PVT1: variants seen among roughly 807,000 people sequenced by gnomAD.
PVT1 encodes the protein CXCR4/PVT1 fusion.
At chr8:128,054,963 A>C (rs1813746096) in intron 4 of PVT1, among the ~76,000 whole-genome samples, 1 of 152,214 alleles carries the variant, frequency 6.6e-6, no homozygotes, top group African/African-American at 2.4e-5. Flanking sequence ...AATCAGTGGA[A>C]AGCCTTAAGA....
chr8:127,862,837 G>T (rs555595064), intron 2 of PVT1, among the ~76,000 whole-genome samples: 1 of 152,244 alleles, frequency 6.6e-6, no homozygotes, highest in Non-Finnish European at 1.5e-5. Flanking sequence ...TTCCTTTGGG[G>T]TGTTAGCAAT....
intron 3 of PVT1, among the ~76,000 whole-genome samples, chr8:127,941,116 G>A (rs1044899850): frequency 6.6e-6 from 1 of 152,172 alleles, no homozygotes; most frequent in Non-Finnish European, 1.5e-5. Context: ...AAGCCTCCTC[G>A]CTAGGCTTGT....
At chr8:127,987,591 G>A (rs925119843) in intron 3 of PVT1, among the ~76,000 whole-genome samples, 1 of 152,208 alleles carries the variant, frequency 6.6e-6, no homozygotes, top group Admixed American at 6.5e-5. Context: ...GCTAAACTCT[G>A]CAAAGATTCT....
At chr8:127,948,242 G>A (rs1816450231) in intron 3 of PVT1, 1 of 316,838 alleles carries the variant, frequency 3.2e-6, no homozygotes, top group East Asian at 7.7e-5. Flanking sequence ...GCTGCTGAGT[G>A]GTGGAGCACA....
intron 4 of PVT1, among the ~76,000 whole-genome samples, chr8:128,061,754 C>T (rs1293141225): frequency 6.6e-6 from 1 of 152,080 alleles, no homozygotes; most frequent in Non-Finnish European, 1.5e-5. Flanking sequence ...TATGAAGGGC[C>T]CAGGAACACT....
intron 2 of PVT1, among the ~76,000 whole-genome samples, chr8:127,884,577 C>A (rs554488966): frequency 1.3e-5 from 2 of 152,336 alleles, no homozygotes; most frequent in South Asian, 4.1e-4. Flanking sequence ...TATCCTTTTT[C>A]AGAGTGTCTG....
chr8:127,981,002 G>A (rs1429368211), intron 3 of PVT1, among the ~76,000 whole-genome samples: 1 of 151,966 alleles, frequency 6.6e-6, no homozygotes, highest in Non-Finnish European at 1.5e-5. Flanking sequence ...TCACCATGTT[G>A]GCCAGGCTGG....
intron 1 of PVT1, among the ~76,000 whole-genome samples, chr8:127,795,389 T>G (rs766848722): frequency 2.0e-5 from 3 of 152,140 alleles, no homozygotes; most frequent in South Asian, 2.1e-4. Flanking sequence ...GCTGCATGCG[T>G]CTGTGTGTGG....
intron 3 of PVT1, among the ~76,000 whole-genome samples, chr8:127,955,901 C>A (rs1010678856): frequency 1.3e-5 from 2 of 152,198 alleles, no homozygotes; most frequent in African/African-American, 4.8e-5. Flanking sequence ...CATTTCTATT[C>A]TGCAAATAAA....
chr8:127,853,470 G>A (rs1394270357), intron 2 of PVT1, among the ~76,000 whole-genome samples: 2 of 152,038 alleles, frequency 1.3e-5, no homozygotes, highest in Non-Finnish European at 2.9e-5. Flanking sequence ...GCACGTGGTC[G>A]TAACTGAGCT....
intron 4 of PVT1, among the ~76,000 whole-genome samples, chr8:127,998,535 T>TTCTCTCTCTCTC (rs34462486): frequency 3.3e-4 from 48 of 143,562 alleles, no homozygotes; most frequent in African/African-American, 1.2e-3. Flanking sequence ...CCTTCTTTCT[T>TTCTCTCTCTCTC]TCTCTCTCTC....
At chr8:128,003,302 C>G (rs1257670120) in intron 4 of PVT1, among the ~76,000 whole-genome samples, 1 of 144,212 alleles carries the variant, frequency 6.9e-6, no homozygotes, top group Non-Finnish European at 1.5e-5. Flanking sequence ...TCCTCTCTTA[C>G]CCTCCCCTCC....
intron 4 of PVT1, chr8:128,048,668 T>C (rs1489637248): frequency 6.6e-6 from 1 of 152,412 alleles, no homozygotes; most frequent in Admixed American, 6.5e-5. Context: ...TGTGTGACCT[T>C]GGCCACTTTA....
At chr8:127,844,275 G>A (rs150683843) in intron 2 of PVT1, among the ~76,000 whole-genome samples, 19 of 152,252 alleles carry the variant, frequency 1.2e-4, no homozygotes, top group African/African-American at 4.6e-4. Flanking sequence ...GTGCCCTCTC[G>A]TGAATGAGAA....
chr8:128,068,508 G>A (rs1164994738), intron 4 of PVT1, among the ~76,000 whole-genome samples: 2 of 152,122 alleles, frequency 1.3e-5, no homozygotes, highest in Admixed American at 6.6e-5. Flanking sequence ...TTTTGTTGTT[G>A]TTTGTTTGAG....
intron 4 of PVT1, among the ~76,000 whole-genome samples, chr8:128,062,657 T>C (rs1813846493): frequency 6.6e-6 from 1 of 152,234 alleles, no homozygotes; most frequent in Admixed American, 6.5e-5. Flanking sequence ...AATATAGACC[T>C]ATAAAAACAC....
intron 3 of PVT1, among the ~76,000 whole-genome samples, chr8:127,926,137 TC>T (rs1816127106): frequency 6.6e-6 from 1 of 152,166 alleles, no homozygotes; most frequent in South Asian, 2.1e-4. Flanking sequence ...CCAGAGTGGT[TC>T]TTTTCCTGCC....
intron 2 of PVT1, among the ~76,000 whole-genome samples, chr8:127,813,755 A>G (rs919923371): frequency 2.0e-5 from 3 of 152,198 alleles, no homozygotes; most frequent in Non-Finnish European, 2.9e-5. Flanking sequence ...CAACAAAAAC[A>G]TGGTCACCCT....
At chr8:128,038,303 C>T (rs1018374500) in intron 4 of PVT1, among the ~76,000 whole-genome samples, 8 of 152,222 alleles carry the variant, frequency 5.3e-5, no homozygotes, top group Non-Finnish European at 1.0e-4. Flanking sequence ...TCCATCCTGT[C>T]TTGTCCCCTT....
Sources: allele counts gnomAD v4.1 joint callset (sites outside exome capture counted in the v4.1 genomes callset), GRCh38; gene constraint gnomAD v4.1.1; transcripts MANE v1.5; gene names NCBI Gene and HGNC (gene_info 2026-07-23, HGNC 2026-07-21).